MAP3K15: variants seen among roughly 807,000 people sequenced by gnomAD.
MAP3K15 encodes MAPK/ERK kinase kinase 15.
A neutral mutation model predicts 99.5 loss-of-function variants in MAP3K15; 124 were observed. That is an observed-to-expected ratio of 1.25 (90% CI 1.08 to 1.45). The LOEUF is 1.45. Among genes scored for constraint, MAP3K15 ranks in the 40% most tolerant of loss-of-function variants. The probability of loss-of-function intolerance (pLI) is 0.00; values close to 1 mark genes in which losing one functional copy is unlikely to be tolerated. For missense variants in MAP3K15, 1,242 were observed against 1,079.7 expected (o/e 1.15, Z -2.11); for synonymous variants, 494 against 439.6 (o/e 1.12, Z -1.55).
intron 26 of MAP3K15, 24 bp from the exon 27 acceptor site, chrX:19,361,617 T>C (rs1200074727): frequency 2.9e-6 from 3 of 1,046,765 alleles, no homozygotes; most frequent in Non-Finnish European, 4.0e-6. Flanking sequence ...CAATTTGTTA[T>C]ATATTAGTCT....
rs2063269294 is a variant in MAP3K15 at position 19,360,462 on chromosome X, C to T, written c.*287G>A. The T allele has an allele frequency of 2.1e-5, 5 of 241,228 alleles. No individual in the cohort carries two copies. The highest frequency in any genetic ancestry group is 3.0e-5 in the Non-Finnish European group (4 of 135,071). 19.9% of individuals were successfully genotyped at this position (241,228 alleles called of 1,213,427 possible). On this transcript the variant is annotated 3_prime_UTR_variant, in exon 29 of 29. Transcript: ENST00000338883. ...CCACACCTCCTGGGCTCAAGCAATCCTCCCACCTCAGCCTCCTGCATAGCT... is the reference window on the plus strand; with the variant it reads ...CCACACCTCCTGGGCTCAAGCAATCTTCCCACCTCAGCCTCCTGCATAGCT...
intron 9 of MAP3K15, among the ~76,000 whole-genome samples, chrX:19,418,539 GA>G (rs1446840725): frequency 1.8e-5 from 2 of 111,223 alleles, no homozygotes; most frequent in African/African-American, 6.6e-5. Flanking sequence ...GGGACTATGT[GA>G]AAAGACCAAA....
intron 18 of MAP3K15, among the ~76,000 whole-genome samples, chrX:19,390,867 T>C (rs931258885): frequency 1.8e-5 from 2 of 110,768 alleles, no homozygotes; most frequent in African/African-American, 6.6e-5. Context: ...AGCAAGATCT[T>C]TGTGATCTTT....
intron 4 of MAP3K15, among the ~76,000 whole-genome samples, chrX:19,462,295 G>A (rs16981179): frequency 0.093 from 10,349 of 111,416 alleles, 905 homozygotes; most frequent in African/African-American, 0.27. Context: ...CAGGGGTTCT[G>A]ATAGAAAAAT....
chrX:19,415,153 A>G lies in MAP3K15; in HGVS notation c.1544T>C (p.Ile515Thr), dbSNP rs778503881. Residue 515 changes from isoleucine (I) to threonine (T), a missense_variant, in exon 10 of 29, where the codon ATA (isoleucine) becomes ACA (threonine). Transcript: ENST00000338883. ...RQERLNFWLD[I>T]IFEATNEVTN... ...GACTTCATTTGTTGCCTCAAAAATT[A>G]TATCTAACCAGAAGTTCAGCCGCTC... is the stretch of plus-strand genomic sequence containing the variant. 6 of 1,177,697 alleles carry G rather than the reference A, an allele frequency of 5.1e-6. No homozygotes were observed. The highest frequency in any genetic ancestry group is 6.8e-6 in the Non-Finnish European group (6 of 883,501).
chrX:19,403,673 G>A (rs747083072), intron 13 of MAP3K15, among the ~76,000 whole-genome samples: 4 of 104,588 alleles, frequency 3.8e-5, no homozygotes, highest in East Asian at 5.9e-4. Flanking sequence ...TTACCATGTC[G>A]CCCAGGCTGG....
chrX:19,380,512 A>G (rs1458479806), intron 18 of MAP3K15, among the ~76,000 whole-genome samples: 3 of 111,952 alleles, frequency 2.7e-5, no homozygotes, highest in Admixed American at 1.9e-4. Context: ...TGTCCCATGC[A>G]TAAATAATAT....
chrX:19,407,741 G>C (rs2063658038), intron 12 of MAP3K15, among the ~76,000 whole-genome samples: 1 of 112,218 alleles, frequency 8.9e-6, no homozygotes, highest in South Asian at 3.7e-4. Context: ...CTCAAGAAAG[G>C]CCTTTAAATG....
At chrX:19,496,816 G>A (rs1299322845) in intron 1 of MAP3K15, 1 of 111,367 alleles carries the variant, frequency 9.0e-6, no homozygotes, top group East Asian at 2.8e-4. Flanking sequence ...CTAAGCATCC[G>A]GACTTCTGCC....
intron 5 of MAP3K15, 67 bp downstream of exon 5, chrX:19,459,918 C>T (rs2064118939): frequency 2.2e-6 from 2 of 898,192 alleles, no homozygotes; most frequent in Non-Finnish European, 3.0e-6. Flanking sequence ...ACAAATACTT[C>T]ACAAGACGTT....
chrX:19,442,347 G>T (rs146644562), intron 6 of MAP3K15, among the ~76,000 whole-genome samples: 1 of 111,178 alleles, frequency 9.0e-6, no homozygotes, highest in Non-Finnish European at 1.9e-5. Context: ...GTCTGACTTG[G>T]ATGTTTTTGT....
At chrX:19,388,032 C>T (rs2063503847) in intron 18 of MAP3K15, among the ~76,000 whole-genome samples, 1 of 112,821 alleles carries the variant, frequency 8.9e-6, no homozygotes, top group Admixed American at 9.3e-5. Context: ...CCTCTCCTTC[C>T]TGCAGCTGGT....
intron 6 of MAP3K15, among the ~76,000 whole-genome samples, chrX:19,448,515 C>T (rs1274214687): frequency 1.8e-5 from 2 of 108,300 alleles, no homozygotes; most frequent in Non-Finnish European, 3.9e-5. Context: ...TTTGACTTTA[C>T]TGTTATGGGG....
At chrX:19,379,721 C>T (rs927087164) in intron 19 of MAP3K15, among the ~76,000 whole-genome samples, 13 of 111,075 alleles carry the variant, frequency 1.2e-4, no homozygotes, top group East Asian at 2.8e-4. Flanking sequence ...GGATTACAGG[C>T]GTGAGCCACC....
At chrX:19,462,840 C>T (rs1569233225) in intron 4 of MAP3K15, among the ~76,000 whole-genome samples, 1 of 112,133 alleles carries the variant, frequency 8.9e-6, no homozygotes, top group African/African-American at 3.2e-5. Flanking sequence ...GCACCACTTC[C>T]CCTCCTACTA....
chrX:19,480,977 T>A, intron 3 of MAP3K15, among the ~76,000 whole-genome samples: 1 of 108,392 alleles, frequency 9.2e-6, no homozygotes, highest in African/African-American at 3.4e-5. Flanking sequence ...TAGCTGGGCG[T>A]GGTGGTGCAC....
intron 9 of MAP3K15, among the ~76,000 whole-genome samples, chrX:19,424,752 C>T: frequency 9.1e-6 from 1 of 110,283 alleles, no homozygotes; most frequent in Non-Finnish European, 1.9e-5. Context: ...CTCAAGCGAT[C>T]CTTCTACCTC....
Position 19,452,353 on chromosome X carries a change from A to G in MAP3K15, c.995+4560T>C, listed in dbSNP as rs868188983. Among the ~76,000 whole-genome samples, 19 of 53,621 alleles carry G rather than the reference A, an allele frequency of 3.5e-4. 5 individuals are homozygous for G. Among genetic ancestry groups the G allele is most frequent in the Non-Finnish European group, 4.2e-4 (14 of 33,386 alleles). The allele number at this position is 53,621 out of a possible 115,157, so 46.6% of individuals were successfully genotyped here. A position where few individuals can be genotyped will look rare whatever the true frequency, so the allele number is the denominator to read the frequency against. On this transcript the variant is annotated intron_variant, in intron 6 of 28. Transcript: ENST00000338883. ...GAGAAGAGAAGAGAAGAGAAGAGAA[A>G]GAGAAGAGAAGAGAAGAGAAGAGAG...
chrX:19,464,321 C>T lies in MAP3K15; in HGVS notation c.611G>A (p.Arg204Gln). ...GTTGGGCTGCATGTACTCGGAGGCT[C>T]GTCTCTGGGCATCACTCTCGCAGCA... The part of the protein sequence containing the change: ...YFCCESDAQR[R>Q]ASEYMQPNWD... Residue 204 changes from arginine (R) to glutamine (Q), a missense_variant, in exon 4 of 29, where the codon CGA becomes CAA. Coordinates refer to ENST00000338883, the MANE Select transcript of MAP3K15 (RefSeq NM_001001671.4). 4.2e-6 allele frequency: 5 copies of T among 1,198,719 alleles called. No individual in the cohort carries two copies. The highest frequency in any genetic ancestry group is 5.6e-6 in the Non-Finnish European group (5 of 894,096).
Sources: gnomAD v4.1 joint callset for allele counts (sites outside exome capture counted in the v4.1 genomes callset) on GRCh38, gnomAD v4.1.1 for gene constraint, MANE v1.5 for transcripts, NCBI Gene and HGNC (gene_info 2026-07-23, HGNC 2026-07-21) for gene names.